PLCE1: variants seen among roughly 807,000 people sequenced by gnomAD.
The protein encoded by PLCE1 is phospholipase C epsilon 1.
In PLCE1, 119 loss-of-function variants were observed where a neutral mutation model predicts 242.8. That is an observed-to-expected ratio of 0.49 (90% CI 0.42 to 0.57). The LOEUF (loss-of-function observed/expected upper bound fraction) is 0.57. Ranked by LOEUF, PLCE1 falls within the 20% of genes least tolerant of loss-of-function variation. PLCE1 has a pLI of 0.00. For missense variants in PLCE1, 2,441 were observed against 2,788.8 expected (o/e 0.88, Z 2.81); for synonymous variants, 945 against 1,017.4 (o/e 0.93, Z 1.35).
intron 29 of PLCE1, among the ~76,000 whole-genome samples, chr10:94,319,399 C>A (rs2053697577): frequency 6.6e-6 from 1 of 152,066 alleles, no homozygotes; most frequent in Non-Finnish European, 1.5e-5. Flanking sequence ...TAAGTATTTC[C>A]ATTTATTTTA....
At chr10:94,273,463 CA>C in intron 18 of PLCE1, 98 bp from the exon 19 acceptor site, 1 of 1,168,750 alleles carries the variant, frequency 8.6e-7, no homozygotes, top group Non-Finnish European at 1.2e-6. Flanking sequence ...TTAAATAATT[CA>C]ACCAGTCTAA....
chr10:94,263,775 T>TAACA (rs1349630522), intron 14 of PLCE1, among the ~76,000 whole-genome samples: 2 of 152,120 alleles, frequency 1.3e-5, no homozygotes, highest in African/African-American at 4.8e-5. Flanking sequence ...TGTTTTTCTT[T>TAACA]AACATATTAT....
At chr10:94,279,961 T>G in intron 20 of PLCE1, 50 bp downstream of exon 20, 1 of 1,592,314 alleles carries the variant, frequency 6.3e-7, no homozygotes, top group Non-Finnish European at 8.6e-7. Context: ...CTTGGATGAT[T>G]TGCCACATTT....
At chr10:94,269,511 G>A (rs1358014674) in intron 17 of PLCE1, among the ~76,000 whole-genome samples, 1 of 152,086 alleles carries the variant, frequency 6.6e-6, no homozygotes, top group East Asian at 1.9e-4. Flanking sequence ...GTATCATGTG[G>A]AATGTGCACA....
At chr10:94,233,991 G>T (rs575745313) in intron 5 of PLCE1, 63 bp from the exon 6 acceptor site, 1 of 1,395,720 alleles carries the variant, frequency 7.2e-7, no homozygotes, top group East Asian at 2.3e-5. Flanking sequence ...TGGAATTTAG[G>T]CTCCTTGCTG....
At chr10:94,327,910 A>G (rs2054091222) in intron 32 of PLCE1, 58 bp from the exon 33 acceptor site, 1 of 503,904 alleles carries the variant, frequency 2.0e-6, no homozygotes, top group Admixed American at 2.1e-5. Context: ...GTATACCGCA[A>G]GTGTTTCTGT....
At chr10:94,233,431 A>G (rs2050209128) in intron 5 of PLCE1, among the ~76,000 whole-genome samples, 1 of 152,152 alleles carries the variant, frequency 6.6e-6, no homozygotes, top group African/African-American at 2.4e-5. Flanking sequence ...CTCCACCAAT[A>G]TCTGTACAAA....
At chr10:94,255,950 T>TCTCC (rs1564834551) in intron 11 of PLCE1, among the ~76,000 whole-genome samples, 1 of 117,092 alleles carries the variant, frequency 8.5e-6, no homozygotes, top group Non-Finnish European at 1.9e-5. Context: ...TCTCTCTCTC[T>TCTCC]CTCTCTCCCC....
At chr10:94,101,168 T>C (rs1438798760) in intron 2 of PLCE1, among the ~76,000 whole-genome samples, 2 of 152,166 alleles carry the variant, frequency 1.3e-5, no homozygotes, top group Non-Finnish European at 1.5e-5. Context: ...AGCAAGGCGC[T>C]AGAAGGGTAC....
intron 9 of PLCE1, among the ~76,000 whole-genome samples, chr10:94,253,128 G>T (rs1271584132): frequency 6.6e-6 from 1 of 152,134 alleles, no homozygotes; most frequent in Non-Finnish European, 1.5e-5. Flanking sequence ...TTGCTTCATG[G>T]CTATTTGTTT....
chr10:94,106,910 G>GTTTCTCTCTCTCTCTCTCTCTCTC (rs1564694035), intron 2 of PLCE1, among the ~76,000 whole-genome samples: 28 of 11,500 alleles, frequency 2.4e-3, no homozygotes, highest in Non-Finnish European at 8.1e-3. Context: ...GTTGTCTCTT[G>GTTTCTCTCTCTCTCTCTCTCTCTC]TTTCTCTCTC....
intron 2 of PLCE1, among the ~76,000 whole-genome samples, chr10:94,055,778 C>G (rs1057480065): frequency 2.0e-5 from 3 of 152,094 alleles, no homozygotes; most frequent in African/African-American, 7.2e-5. Flanking sequence ...TTTATGGATC[C>G]CTTCTCAGGG....
intron 27 of PLCE1, among the ~76,000 whole-genome samples, chr10:94,312,114 TTAA>T (rs1400318511): frequency 7.9e-5 from 12 of 152,202 alleles, no homozygotes; most frequent in African/African-American, 2.9e-4. Flanking sequence ...ATCTTTTTAA[TTAA>T]TAATATAGTG....
At chr10:94,183,642 A>T (rs1276833428) in intron 4 of PLCE1, among the ~76,000 whole-genome samples, 1 of 152,188 alleles carries the variant, frequency 6.6e-6, no homozygotes, top group Non-Finnish European at 1.5e-5. Context: ...TGCTATAGAG[A>T]GATACCTGAG....
chr10:94,203,053 C>T lies in PLCE1; in HGVS notation c.1810-24253C>T, dbSNP rs577095055. Among the ~76,000 whole-genome samples, 83 of 152,318 alleles carry T rather than the reference C, an allele frequency of 5.4e-4. 2 individuals carry two copies. In the South Asian group the frequency reaches 0.016, roughly 29 times the overall value. ...AGCCAGCATGGTGCTATGTGCTTCACGCATATGTGAAGCCTTTTTAAATAT... is the reference window on the plus strand; with the variant it reads ...AGCCAGCATGGTGCTATGTGCTTCATGCATATGTGAAGCCTTTTTAAATAT... On this transcript the variant is annotated intron_variant, in intron 4 of 32. Transcript: ENST00000371380.
chr10:93,996,065 C>T (rs1266238280), intron 1 of PLCE1, among the ~76,000 whole-genome samples: 1 of 152,228 alleles, frequency 6.6e-6, no homozygotes, highest in African/African-American at 2.4e-5. Flanking sequence ...GGGGACGTTT[C>T]CCATGCCTGG....
At chr10:94,057,683 G>C (rs1172120245) in intron 2 of PLCE1, among the ~76,000 whole-genome samples, 2 of 152,142 alleles carry the variant, frequency 1.3e-5, no homozygotes, top group Non-Finnish European at 2.9e-5. Flanking sequence ...TAGTTCTATT[G>C]CTGCATAACA....
intron 4 of PLCE1, among the ~76,000 whole-genome samples, chr10:94,193,302 A>G (rs1400477893): frequency 6.6e-6 from 1 of 152,198 alleles, no homozygotes; most frequent in African/African-American, 2.4e-5. Flanking sequence ...AATGTAGGTA[A>G]TGGATTAGGT....
At chr10:94,054,706 A>C (rs1013597750) in intron 2 of PLCE1, among the ~76,000 whole-genome samples, 1 of 152,222 alleles carries the variant, frequency 6.6e-6, no homozygotes, top group Non-Finnish European at 1.5e-5. Context: ...CAAATTACTT[A>C]GGCAAAAGAA....
Sources: allele counts gnomAD v4.1 joint callset (sites outside exome capture counted in the v4.1 genomes callset), GRCh38; gene constraint gnomAD v4.1.1; transcripts MANE v1.5; gene names NCBI Gene and HGNC (gene_info 2026-07-23, HGNC 2026-07-21).